SPIDR: variants seen among roughly 807,000 people sequenced by gnomAD.
SPIDR encodes scaffold protein involved in DNA repair, also known as DNA repair-scaffolding protein.
A neutral mutation model predicts 104.6 loss-of-function variants in SPIDR; 93 were observed. The observed-to-expected ratio is 0.89, with a 90% CI of 0.75 to 1.06. The LOEUF (loss-of-function observed/expected upper bound fraction) is 1.06, where lower values mean the gene tolerates loss of function less well. Ranked by LOEUF, SPIDR falls within the 50% of genes least tolerant of loss-of-function variation. The pLI, the probability that SPIDR is intolerant of heterozygous loss-of-function variation, is 0.00. For missense variants in SPIDR, 1,154 were observed against 1,111.2 expected, an observed-to-expected ratio of 1.04 and a Z score of -0.55; for synonymous variants, 431 against 416.9, an observed-to-expected ratio of 1.03 and a Z score of -0.41.
intron 8 of SPIDR, among the ~76,000 whole-genome samples, chr8:47,567,797 T>C (rs1456589408): frequency 3.1e-4 from 44 of 141,680 alleles, no homozygotes; most frequent in African/African-American, 1.2e-3. Flanking sequence ...TTTTTTTTTT[T>C]TTTTTTGAGA....
chr8:47,484,339 G>A (rs782219689), intron 8 of SPIDR, among the ~76,000 whole-genome samples: 8 of 152,198 alleles, frequency 5.3e-5, no homozygotes, highest in African/African-American at 1.2e-4. Flanking sequence ...ACTGCTCTTC[G>A]CATCTGCTGT....
intron 5 of SPIDR, among the ~76,000 whole-genome samples, chr8:47,297,522 A>G (rs916803233): frequency 2.6e-5 from 4 of 152,036 alleles, no homozygotes; most frequent in Non-Finnish European, 4.4e-5. Flanking sequence ...TTTGTTACAT[A>G]TGTATACATG....
At chr8:47,691,169 G>T (rs1444588919) in intron 11 of SPIDR, among the ~76,000 whole-genome samples, 2 of 151,236 alleles carry the variant, frequency 1.3e-5, no homozygotes, top group Non-Finnish European at 2.9e-5. Flanking sequence ...GTGCACGCCT[G>T]TAATCCCAGC....
rs141344987 is a variant in SPIDR, at chr8:47,333,340, A to C, written c.525+39310A>C. On this transcript the variant is annotated intron_variant, in intron 5 of 19. Transcript: ENST00000297423. Reference sequence around the variant, plus strand: ...TTTTTTAGATGGAGTCTTGCTCTGTAACCCAGTCTGGAATGCAGTGGTGCA... The same window carrying C: ...TTTTTTAGATGGAGTCTTGCTCTGTCACCCAGTCTGGAATGCAGTGGTGCA... Among the ~76,000 whole-genome samples the C allele has an allele frequency of 3.0e-3, 464 of 152,222 alleles. 1 individual carries two copies. Among genetic ancestry groups the C allele is most frequent in the African/African-American group, 0.011 (453 of 41,538 alleles).
chr8:47,371,815 C>T (rs2058068147), intron 5 of SPIDR, among the ~76,000 whole-genome samples: 1 of 152,144 alleles, frequency 6.6e-6, no homozygotes, highest in Non-Finnish European at 1.5e-5. Flanking sequence ...GGCTAGATTC[C>T]ACCAGGTAAG....
At chr8:47,658,432 T>A (rs935639249) in intron 10 of SPIDR, among the ~76,000 whole-genome samples, 6 of 147,242 alleles carry the variant, frequency 4.1e-5, no homozygotes, top group East Asian at 2.0e-4. Context: ...AAAAAAAAAA[T>A]AGTTCGATAT....
chr8:47,646,587 A>G (rs1169346039), intron 10 of SPIDR, among the ~76,000 whole-genome samples: 2 of 152,236 alleles, frequency 1.3e-5, no homozygotes, highest in Admixed American at 1.3e-4. Context: ...TATGGCTACA[A>G]GAAGAATGAG....
chr8:47,623,999 C>T (rs1486919304), intron 10 of SPIDR, among the ~76,000 whole-genome samples: 1 of 152,174 alleles, frequency 6.6e-6, no homozygotes, highest in Non-Finnish European at 1.5e-5. Flanking sequence ...AAGCACTCCT[C>T]AGCAAATGTA....
intron 11 of SPIDR, among the ~76,000 whole-genome samples, chr8:47,676,916 G>A (rs2076519408): frequency 6.6e-6 from 1 of 152,226 alleles, no homozygotes; most frequent in South Asian, 2.1e-4. Context: ...GAGGCTCGCA[G>A]AAAAACAGCA....
At chr8:47,426,373 T>C (rs2066417038) in intron 7 of SPIDR, among the ~76,000 whole-genome samples, 2 of 151,834 alleles carry the variant, frequency 1.3e-5, no homozygotes, top group African/African-American at 4.8e-5. Context: ...CTTTTTATTC[T>C]TTCTTGCCAA....
At chr8:47,306,088 C>CAAG (rs2043043753) in intron 5 of SPIDR, among the ~76,000 whole-genome samples, 1 of 152,162 alleles carries the variant, frequency 6.6e-6, no homozygotes, top group Admixed American at 6.6e-5. Context: ...TTTTCTGTGA[C>CAAG]TGGTTTATTT....
intron 8 of SPIDR, among the ~76,000 whole-genome samples, chr8:47,529,963 TTAA>T (rs1192128794): frequency 6.6e-6 from 1 of 152,194 alleles, no homozygotes; most frequent in Non-Finnish European, 1.5e-5. Context: ...CATATATCAC[TTAA>T]TGATGGGGAT....
intron 8 of SPIDR, among the ~76,000 whole-genome samples, chr8:47,495,454 G>GT (rs756263834): frequency 6.6e-6 from 1 of 151,806 alleles, no homozygotes; most frequent in Non-Finnish European, 1.5e-5. Context: ...TAGTTAAGTG[G>GT]TTTTTTATAT....
chr8:47,646,861 A>G (rs2070458733), intron 10 of SPIDR, among the ~76,000 whole-genome samples: 1 of 152,206 alleles, frequency 6.6e-6, no homozygotes, highest in African/African-American at 2.4e-5. Context: ...GACTTTATAT[A>G]TAGTTATTTA....
At chr8:47,403,587 G>C (rs1554665093) in intron 6 of SPIDR, among the ~76,000 whole-genome samples, 1 of 152,140 alleles carries the variant, frequency 6.6e-6, no homozygotes. Flanking sequence ...AATTATGAGT[G>C]AACTCCCATT....
At chr8:47,629,448 C>T (rs2066712920) in intron 10 of SPIDR, among the ~76,000 whole-genome samples, 1 of 152,154 alleles carries the variant, frequency 6.6e-6, no homozygotes, top group South Asian at 2.1e-4. Flanking sequence ...TGGCTGTGTG[C>T]CAGTAGAACT....
intron 11 of SPIDR, among the ~76,000 whole-genome samples, chr8:47,684,262 C>T (rs1371350942): frequency 6.6e-6 from 1 of 152,024 alleles, no homozygotes; most frequent in African/African-American, 2.4e-5. Flanking sequence ...TTCTTCCTCC[C>T]TCACTCCACT....
chr8:47,425,130 TTATATATG>T (rs2066218317), intron 7 of SPIDR, among the ~76,000 whole-genome samples: 2 of 152,196 alleles, frequency 1.3e-5, no homozygotes, highest in Non-Finnish European at 2.9e-5. Flanking sequence ...GATGAAAATT[TTATATATG>T]CTCATATTTC....
chr8:47,302,343 T>C (rs1049665945), intron 5 of SPIDR, among the ~76,000 whole-genome samples: 71,265 of 151,226 alleles, frequency 0.47, 20,424 homozygotes, highest in African/African-American at 0.82. Context: ...GTTAGCCATT[T>C]GTCTCGTTTT....
Sources: allele counts gnomAD v4.1 joint callset (sites outside exome capture counted in the v4.1 genomes callset), GRCh38; gene constraint gnomAD v4.1.1; transcripts MANE v1.5; gene names NCBI Gene and HGNC (gene_info 2026-07-23, HGNC 2026-07-21).